Variants in FRS3 observed in about 807,000 individuals in gnomAD.
The protein encoded by FRS3 is FGFR substrate 3.
Under a neutral mutation model 41.9 loss-of-function variants are expected in FRS3, and 17 were observed. That is an observed-to-expected ratio of 0.41 (90% confidence interval 0.28 to 0.61). The LOEUF (loss-of-function observed/expected upper bound fraction) is 0.61, where lower values mean the gene tolerates loss of function less well. FRS3 is among the 20% of genes least tolerant of loss of function. The pLI, the probability that FRS3 is intolerant of heterozygous loss-of-function variation, is 0.36. For missense variants in FRS3, 619 were observed against 672.1 expected (o/e 0.92, Z 0.87); for synonymous variants, 287 against 274.5 (o/e 1.05, Z -0.45).
chr6:41,771,790 C>G, intron 6 of FRS3, 26 bp downstream of exon 6: 1 of 1,547,360 alleles, frequency 6.5e-7, no homozygotes, highest in African/African-American at 1.4e-5. Flanking sequence ...ACCAACAGGG[C>G]AGGGGCTGGC....
chr6:41,778,110 G>A lies in FRS3; in HGVS notation c.-101C>T, dbSNP rs763335247. ...CCACTTTATTCCCCCCGTCCTTGGT[G>A]GGCTGTCATGGCAAACAGTCTGCAG... On this transcript the variant is annotated 5_prime_UTR_variant, in exon 2 of 7. Transcript: ENST00000373018. 6.6e-6 allele frequency: 1 copy of A among 152,670 alleles called. No homozygotes were observed. The highest frequency in any genetic ancestry group is 1.5e-5 in the Non-Finnish European group (1 of 68,088). The allele number at this position is 152,670 out of a possible 1,614,324, so 9.5% of individuals were successfully genotyped here. A position where few individuals can be genotyped will look rare whatever the true frequency, so the allele number is the denominator to read the frequency against.
intron 3 of FRS3, 105 bp downstream of exon 3, chr6:41,776,817 C>T (rs1412879179): frequency 1.1e-6 from 1 of 946,282 alleles, no homozygotes; most frequent in East Asian, 2.4e-5. Flanking sequence ...CAACCTCAGC[C>T]TGGCATTTGA....
chr6:41,772,764 G>GTGTGTGTC, intron 5 of FRS3, 34 bp downstream of exon 5: 1 of 1,553,220 alleles, frequency 6.4e-7, no homozygotes. Flanking sequence ...GTGTGTGTGT[G>GTGTGTGTC]TGTGTGTGTG....
At chr6:41,779,224 G>A (rs2127302149) in intron 1 of FRS3, among the ~76,000 whole-genome samples, 1 of 152,170 alleles carries the variant, frequency 6.6e-6, no homozygotes, top group East Asian at 1.9e-4. Context: ...GTATCAGATA[G>A]CCCACTGAGG....
intron 1 of FRS3, among the ~76,000 whole-genome samples, chr6:41,778,594 GCTA>G (rs1195677835): frequency 1.3e-5 from 2 of 152,164 alleles, no homozygotes; most frequent in Non-Finnish European, 2.9e-5. Flanking sequence ...CAGTTTTGTT[GCTA>G]CTAAGTATCT....
At chr6:41,775,373 A>G (rs762700884) in intron 4 of FRS3, 46 bp downstream of exon 4, 6 of 1,489,142 alleles carry the variant, frequency 4.0e-6, no homozygotes, top group Non-Finnish European at 4.5e-6. Flanking sequence ...ACCCTGGAGT[A>G]CTGCATAAGC....
chr6:41,770,649 G>T lies in FRS3; in HGVS notation c.1449C>A (p.Thr483=). Reference sequence around the variant, plus strand: ...GAGGCAGGTCGGTGCTGTTGTGCCGGGTTTTCCTGGCGGTGCCATCGTCTC... The same window carrying T: ...GAGGCAGGTCGGTGCTGTTGTGCCGTGTTTTCCTGGCGGTGCCATCGTCTC... ...LPRDDGTARK[T]RHNSTDLPL is the part of the protein sequence containing the mutation. Residue 483 remains threonine (T), a synonymous_variant, in exon 7 of 7, where the codon ACC becomes ACA. Transcript: ENST00000373018. 1 of 1,614,232 alleles carries T rather than the reference G, an allele frequency of 6.2e-7. No individual in the cohort carries two copies.
At position 41,770,792 on chromosome 6, in the gene FRS3, G is replaced by C. The variant is rs1156983718; in HGVS notation, c.1306C>G (p.Pro436Ala). ...GGCATGGGGGCTTGGGGGCTCGAGG[G>C]GTTCTGGGGCCCCTTAGGGCGGTCT... Reference protein sequence around the residue: ...GGDRPKGPQNPSSPQAPMPTT... With the variant: ...GGDRPKGPQNASSPQAPMPTT... Residue 436 changes from proline (P) to alanine (A), a missense_variant, in exon 7 of 7, where the codon CCC becomes GCC. Transcript: ENST00000373018. 1 of 1,611,766 alleles carries C rather than the reference G, an allele frequency of 6.2e-7. No homozygotes were observed. Among genetic ancestry groups the C allele is most frequent in the Non-Finnish European group, 8.5e-7 (1 of 1,179,196 alleles).
intron 2 of FRS3, among the ~76,000 whole-genome samples, chr6:41,777,273 A>G (rs1003099003): frequency 2.0e-5 from 3 of 152,212 alleles, no homozygotes; most frequent in African/African-American, 7.2e-5. Flanking sequence ...TTTGATCTGG[A>G]CCTTGAGAAG....
At chr6:41,775,647 A>C in intron 3 of FRS3, 42 bp from the exon 4 acceptor site, 1 of 1,495,274 alleles carries the variant, frequency 6.7e-7, no homozygotes, top group African/African-American at 1.4e-5. Context: ...TGAGTCCAAC[A>C]AGTGTTTGCA....
At position 41,770,532 on chromosome 6, in the gene FRS3, C is replaced by A; in HGVS notation, c.*87G>T. On this transcript the variant is annotated 3_prime_UTR_variant, in exon 7 of 7. Coordinates refer to ENST00000373018, the MANE Select transcript of FRS3 (RefSeq NM_006653.5). ...ATGCCTTCTGCAAAGCAACCCTGAA[C>A]CCTGGGGAGGGTGGGTTCAGAGGAC... is the stretch of plus-strand genomic sequence containing the variant. 7.2e-7 allele frequency: 1 copy of A among 1,392,550 alleles called. No individual in the cohort carries two copies. The highest frequency in any genetic ancestry group is 1.0e-6 in the Non-Finnish European group (1 of 985,068). 86.3% of individuals were successfully genotyped at this position (1,392,550 alleles called of 1,614,324 possible).
intron 1 of FRS3, among the ~76,000 whole-genome samples, 199 bp from the exon 2 acceptor site, chr6:41,778,375 A>G (rs1772454528): frequency 6.6e-6 from 1 of 152,232 alleles, no homozygotes; most frequent in South Asian, 2.1e-4. Flanking sequence ...AGGGACAGAC[A>G]CCAAGAACAT....
Position 41,771,303 on chromosome 6 carries a change from G to C in FRS3, c.795C>G (p.Asp265Glu), listed in dbSNP as rs781424408. Reference sequence around the variant, plus strand: ...CATTGTTATTATTGTGGTGTGGGGGGTCATGCAGGCTGGGACAGAGGCCCT... The same window carrying C: ...CATTGTTATTATTGTGGTGTGGGGGCTCATGCAGGCTGGGACAGAGGCCCT... ...KCQGLCPSLH[D>E]PPHHNNNNEA... The change falls in exon 7 of 7, where the codon GAC becomes GAG. Residue 265 changes from aspartate to glutamate, a missense_variant. Physicochemically the swap from Asp to Glu is conservative, Grantham distance 45. Coordinates refer to ENST00000373018, the MANE Select transcript of FRS3 (RefSeq NM_006653.5). 6.2e-7 allele frequency: 1 copy of C among 1,613,444 alleles called. No individual in the cohort carries two copies. Among genetic ancestry groups the C allele is most frequent in the Non-Finnish European group, 8.5e-7 (1 of 1,179,628 alleles).
At position 41,771,977 on chromosome 6, in the gene FRS3, G is replaced by T. The variant is rs751918763; in HGVS notation, c.416-13C>A. On this transcript the variant is annotated splice_polypyrimidine_tract_variant and intron_variant, in intron 5 of 6. Transcript: ENST00000373018. ...GTGTAGCCTAGAGCTGAGCACACGG[G>T]AGACAAGCCCAGGAGAGGGGAACTT... The T allele has an allele frequency of 5.5e-5, 84 of 1,529,744 alleles. No homozygotes were observed. Among genetic ancestry groups the T allele is most frequent in the Non-Finnish European group, 6.4e-5 (73 of 1,133,204 alleles). The allele number at this position is 1,529,744 out of a possible 1,614,324, so 94.8% of individuals were successfully genotyped here.
At chr6:41,772,318 C>T (rs1275856007) in intron 5 of FRS3, among the ~76,000 whole-genome samples, 1 of 152,196 alleles carries the variant, frequency 6.6e-6, no homozygotes, top group Non-Finnish European at 1.5e-5. Context: ...GACTGCGCTT[C>T]TATTTCTCCT....
At chr6:41,772,712 C>T (rs1363856035) in intron 5 of FRS3, 86 bp downstream of exon 5, 3 of 1,464,202 alleles carry the variant, frequency 2.0e-6, no homozygotes, top group East Asian at 2.3e-5. Context: ...AACCAGCCAG[C>T]TTAACTAGTC....
chr6:41,770,352 TAAACGCAATCACAGGAACCCTTCACA>T lies in FRS3; in HGVS notation c.*241_*266del. 1 of 544,404 alleles carries T rather than the reference TAAACGCAATCACAGGAACCCTTCACA, an allele frequency of 1.8e-6. No homozygotes were observed. Among genetic ancestry groups the T allele is most frequent in the Non-Finnish European group, 3.3e-6 (1 of 307,622 alleles). 33.7% of individuals were successfully genotyped at this position (544,404 alleles called of 1,614,324 possible). A position where few individuals can be genotyped will look rare whatever the true frequency, so the allele number is the denominator to read the frequency against. On this transcript the variant is annotated 3_prime_UTR_variant, in exon 7 of 7. Coordinates refer to ENST00000373018, the MANE Select transcript of FRS3 (RefSeq NM_006653.5). ...ACAAATGGACAGAACGGGAGGGCGC[TAAACGCAATCACAGGAACCCTTCACA>T]GTTGACGTCTCGGCTCCCTCCTCGC...
rs199883529 is a variant in FRS3, at chr6:41,771,301, G to T, written c.797C>A (p.Pro266His). 4.3e-6 allele frequency: 7 copies of T among 1,613,452 alleles called. No individual in the cohort carries two copies. Among genetic ancestry groups the T allele is most frequent in the Non-Finnish European group, 4.2e-6 (5 of 1,179,630 alleles). ...CTCATTGTTATTATTGTGGTGTGGG[G>T]GGTCATGCAGGCTGGGACAGAGGCC... Reference protein sequence around the residue: ...CQGLCPSLHDPPHHNNNNEAP... With the variant: ...CQGLCPSLHDHPHHNNNNEAP... Residue 266 changes from proline to histidine, a missense_variant, in exon 7 of 7, where the codon CCC becomes CAC. By Grantham distance (77) the Pro-to-His change is moderately conservative. Around this residue, in one of 3 missense-constraint regions of FRS3, gnomAD observed 487 missense variants for 478.3 expected, o/e 1.02. Transcript: ENST00000373018.
intron 4 of FRS3, among the ~76,000 whole-genome samples, chr6:41,774,883 C>T (rs1265624730): frequency 1.3e-5 from 2 of 152,110 alleles, no homozygotes; most frequent in Non-Finnish European, 2.9e-5. Flanking sequence ...TAGAGAACCC[C>T]GTGTTGGGGC....
Sources: gnomAD v4.1 joint callset for allele counts (sites outside exome capture counted in the v4.1 genomes callset) on GRCh38, gnomAD v4.1.1 for gene constraint, gnomAD v4.1.1 regional missense constraint, MANE v1.5 for transcripts, NCBI Gene and HGNC (gene_info 2026-07-23, HGNC 2026-07-21) for gene names.